Variants in CACNB4 observed in about 807,000 individuals in gnomAD.
CACNB4 encodes calcium voltage-gated channel auxiliary subunit beta 4.
Under a neutral mutation model 71.2 loss-of-function variants are expected in CACNB4, and 32 were observed. The observed-to-expected ratio is 0.45, with a 90% CI of 0.34 to 0.60. CACNB4 has a LOEUF of 0.60. CACNB4 is among the 20% of genes least tolerant of loss of function. CACNB4 has a pLI of 0.01. For synonymous variants in CACNB4, 231 were observed against 236.9 expected (o/e 0.97, Z 0.23); for missense variants, 464 against 647.9 (o/e 0.72, Z 3.08).
In CACNB4 at chr2:152,014,954, C is replaced by T. The variant is rs116406318; in HGVS notation, c.147+83376G>A. 8.1e-3 allele frequency among the ~76,000 whole-genome samples: 1,237 copies of T among 152,230 alleles called. 5 individuals carry two copies. The highest frequency in any genetic ancestry group is 0.012 in the Admixed American group (181 of 15,270). On this transcript the variant is annotated intron_variant, in intron 2 of 13. Coordinates refer to ENST00000539935, the MANE Select transcript of CACNB4 (RefSeq NM_000726.5). Reference sequence around the variant, plus strand: ...GGACAAAAACAAATGGAAGGCAAGGCGCTGTAAACCAAGGCTGAATGTGCT... The same window carrying T: ...GGACAAAAACAAATGGAAGGCAAGGTGCTGTAAACCAAGGCTGAATGTGCT...
At chr2:151,970,546 A>C (rs2099872234) in intron 2 of CACNB4, 1 of 152,246 alleles carries the variant, frequency 6.6e-6, no homozygotes, top group African/African-American at 2.4e-5. Context: ...AATCTACTGC[A>C]AATCAGATGA....
At chr2:151,922,444 CCTGCTGG>C (rs1237885571) in intron 2 of CACNB4, among the ~76,000 whole-genome samples, 11 of 152,306 alleles carry the variant, frequency 7.2e-5, no homozygotes, top group Non-Finnish European at 1.6e-4. Flanking sequence ...CTCAAGCAAT[CCTGCTGG>C]CTCCACCTCC....
intron 2 of CACNB4, among the ~76,000 whole-genome samples, chr2:151,890,038 T>C (rs1243854093): frequency 2.6e-5 from 4 of 152,192 alleles, no homozygotes; most frequent in African/African-American, 7.2e-5. Context: ...TGTTTTGTTC[T>C]TTTTTTAATT....
At chr2:151,979,813 A>C (rs1223997543) in intron 2 of CACNB4, among the ~76,000 whole-genome samples, 1 of 152,220 alleles carries the variant, frequency 6.6e-6, no homozygotes, top group African/African-American at 2.4e-5. Flanking sequence ...CAAAGCTCTC[A>C]CATTTTGAGA....
At chr2:152,020,725 T>TG (rs1315372928) in intron 2 of CACNB4, among the ~76,000 whole-genome samples, 1 of 152,110 alleles carries the variant, frequency 6.6e-6, no homozygotes, top group Non-Finnish European at 1.5e-5. Context: ...GTGGCGATGC[T>TG]GGTAACGGGG....
intron 2 of CACNB4, among the ~76,000 whole-genome samples, chr2:152,039,415 CAAAA>C (rs34058095): frequency 7.3e-6 from 1 of 137,572 alleles, no homozygotes. Context: ...GACTCTGTCT[CAAAA>C]AAAAAAAAAA....
chr2:151,865,593 A>G (rs748985187), intron 9 of CACNB4, among the ~76,000 whole-genome samples: 1 of 152,224 alleles, frequency 6.6e-6, no homozygotes, highest in Non-Finnish European at 1.5e-5. Context: ...AGCCAGCTGA[A>G]CAAACCTCAT....
intron 2 of CACNB4, among the ~76,000 whole-genome samples, chr2:151,910,814 GT>G (rs1215619519): frequency 1.3e-5 from 2 of 152,110 alleles, no homozygotes; most frequent in Admixed American, 6.6e-5. Context: ...ATTTAAAATA[GT>G]TTTTTTCTAA....
intron 2 of CACNB4, among the ~76,000 whole-genome samples, chr2:151,884,552 G>A (rs1475742165): frequency 1.3e-5 from 2 of 148,860 alleles, no homozygotes; most frequent in Non-Finnish European, 3.0e-5. Flanking sequence ...GGAGAATGGC[G>A]TGAACCCCGG....
chr2:151,984,717 G>GTA (rs1681240378), intron 2 of CACNB4, among the ~76,000 whole-genome samples: 1 of 152,058 alleles, frequency 6.6e-6, no homozygotes, highest in African/African-American at 2.4e-5. Context: ...GATCCAAAGG[G>GTA]TTAGGAAAGT....
chr2:151,910,812 T>C (rs554057326), intron 2 of CACNB4, among the ~76,000 whole-genome samples: 1 of 152,328 alleles, frequency 6.6e-6, no homozygotes, highest in South Asian at 2.1e-4. Context: ...AAATTTAAAA[T>C]AGTTTTTTTC....
chr2:151,864,948 C>T (rs953702103), intron 9 of CACNB4, among the ~76,000 whole-genome samples: 7 of 152,068 alleles, frequency 4.6e-5, no homozygotes, highest in African/African-American at 1.4e-4. Context: ...TCCCAGAGTC[C>T]GTGAAATGTG....
At chr2:151,954,718 T>C (rs2099867741) in intron 2 of CACNB4, among the ~76,000 whole-genome samples, 1 of 152,122 alleles carries the variant, frequency 6.6e-6, no homozygotes, top group South Asian at 2.1e-4. Context: ...GTTGAAAGAA[T>C]CCTATTTTCA....
intron 4 of CACNB4, among the ~76,000 whole-genome samples, chr2:151,878,000 C>T (rs1203973418): frequency 6.6e-6 from 1 of 152,048 alleles, no homozygotes; most frequent in African/African-American, 2.4e-5. Flanking sequence ...AAATAGATAC[C>T]AGCTCTATTG....
chr2:151,861,828 G>A (rs1333911890), intron 9 of CACNB4: 1 of 95,092 alleles, frequency 1.1e-5, no homozygotes, highest in African/African-American at 6.1e-5. Flanking sequence ...GGGAGACAGG[G>A]TGAGACCCTG....
chr2:152,036,073 C>A (rs1684574949), intron 2 of CACNB4, among the ~76,000 whole-genome samples: 2 of 152,162 alleles, frequency 1.3e-5, no homozygotes, highest in African/African-American at 4.8e-5. Context: ...AAAAAAGATA[C>A]TGCATGATTC....
At chr2:152,080,073 T>C (rs1392989759) in intron 2 of CACNB4, among the ~76,000 whole-genome samples, 1 of 152,156 alleles carries the variant, frequency 6.6e-6, no homozygotes, top group Non-Finnish European at 1.5e-5. Flanking sequence ...AAGTATATGA[T>C]AAGAAACAAC....
At chr2:152,020,767 C>A (rs1326665297) in intron 2 of CACNB4, among the ~76,000 whole-genome samples, 3 of 152,056 alleles carry the variant, frequency 2.0e-5, no homozygotes, top group African/African-American at 7.2e-5. Flanking sequence ...GAGGAGGAAG[C>A]CGGGGAAAGG....
chr2:152,085,768 G>A (rs1057255084), intron 2 of CACNB4, among the ~76,000 whole-genome samples: 18 of 151,050 alleles, frequency 1.2e-4, no homozygotes, highest in East Asian at 1.9e-4. Context: ...TTGGACATAC[G>A]TTTTGCCTGC....
Sources: gnomAD v4.1 joint callset for allele counts (sites outside exome capture counted in the v4.1 genomes callset) on GRCh38, gnomAD v4.1.1 for gene constraint, MANE v1.5 for transcripts, NCBI Gene and HGNC (gene_info 2026-07-23, HGNC 2026-07-21) for gene names.